Variants in NPIPB4 observed in about 807,000 individuals in gnomAD.
NPIPB4 encodes nuclear pore complex interacting protein family member B4.
For missense variants in NPIPB4, 105 were observed against 513.7 expected (o/e 0.20, Z 7.69); for synonymous variants, 31 against 194.1 (o/e 0.16, Z 6.99).
chr16:21,850,255 G>A (rs1254512851), intron 2 of NPIPB4, among the ~76,000 whole-genome samples: 1 of 127,778 alleles, frequency 7.8e-6, no homozygotes, highest in African/African-American at 2.7e-5. Context: ...GGGAGAAACT[G>A]TCTCAAAATA....
intron 2 of NPIPB4, among the ~76,000 whole-genome samples, chr16:21,850,485 C>T (rs1184094232): frequency 1.3e-5 from 2 of 151,978 alleles, no homozygotes; most frequent in Admixed American, 1.3e-4. Context: ...CCCATCTCTA[C>T]TAAAAACACA....
chr16:21,849,493 A>AAAAAAAT (rs1902305805), intron 2 of NPIPB4, among the ~76,000 whole-genome samples: 2 of 78,802 alleles, frequency 2.5e-5, no homozygotes, highest in African/African-American at 4.1e-5. Flanking sequence ...AAAAAAAAAA[A>AAAAAAAT]TTATCAAGGT....
At position 21,850,461 on chromosome 16, in the gene NPIPB4, G is replaced by A. The variant is rs558859669; in HGVS notation, c.121-2920C>T. ...GTCAAGAGATGGAGACTATCCTGGC[G>A]AACATGGTGAAACCCCATCTCTACT... is the stretch of plus-strand genomic sequence containing the variant. On this transcript the variant is annotated intron_variant, in intron 2 of 7. Transcript: ENST00000682606. Among the ~76,000 whole-genome samples, 810 of 151,964 alleles carry A rather than the reference G, an allele frequency of 5.3e-3. 7 individuals are homozygous for A. Among genetic ancestry groups the A allele is most frequent in the Non-Finnish European group, 8.3e-3 (562 of 67,928 alleles).
In NPIPB4 at chr16:21,837,390, G is replaced by A; in HGVS notation, c.997C>T (p.Pro333Ser). ...PPECLLTPLP[P>S]SADDKLKTPP... ...GTCTTGAGTTTATCATCCGCTGAGG[G>A]TGGAAGGGGAGTGAGGAGACACTCA... Residue 333 changes from proline to serine, a missense_variant, in exon 8 of 8, where the codon CCC becomes TCC. Pro to Ser is a moderately conservative substitution (Grantham distance 74, BLOSUM62 -1). Coordinates refer to ENST00000682606, the MANE Select transcript of NPIPB4 (RefSeq NM_001384980.1). 1.4e-6 allele frequency: 2 copies of A among 1,458,672 alleles called. 1 individual carries two copies. Among genetic ancestry groups the A allele is most frequent in the Non-Finnish European group, 1.8e-6 (2 of 1,128,744 alleles). The allele number at this position is 1,458,672 out of a possible 1,614,324, so 90.4% of individuals were successfully genotyped here.
At position 21,837,341 on chromosome 16, in the gene NPIPB4, G is replaced by A. The variant is rs1280023912; in HGVS notation, c.1046C>T (p.Pro349Leu). Residue 349 changes from proline (P) to leucine (L), a missense_variant, in exon 8 of 8, where the codon CCC becomes CTC. Pro to Leu is a moderately conservative substitution (Grantham distance 98). Transcript: ENST00000682606. ...LKTPPECLLT[P>L]LPPSALPSAP... is the part of the protein sequence containing the mutation. Reference sequence around the variant, plus strand: ...TGAGGGTAGAGCTGAGGGTGGAAGGGGAGTGAGCAGACACTCGGGAGGTGT... The same window carrying A: ...TGAGGGTAGAGCTGAGGGTGGAAGGAGAGTGAGCAGACACTCGGGAGGTGT... 8.2e-6 allele frequency: 11 copies of A among 1,334,114 alleles called. 2 individuals carry two copies. The highest frequency in any genetic ancestry group is 6.6e-6 in the Non-Finnish European group (7 of 1,061,934). The allele number at this position is 1,334,114 out of a possible 1,614,324, so 82.6% of individuals were successfully genotyped here.
At chr16:21,850,670 TAAAAAAAAAAA>T (rs1222161652) in intron 2 of NPIPB4, among the ~76,000 whole-genome samples, 1 of 4,192 alleles carries the variant, frequency 2.4e-4, no homozygotes, top group South Asian at 0.016. Context: ...AGACTCTGTC[TAAAAAAAAAAA>T]AAAAAAAAAA....
intron 2 of NPIPB4, among the ~76,000 whole-genome samples, chr16:21,849,830 G>C (rs1902331604): frequency 2.0e-4 from 1 of 4,930 alleles, no homozygotes; most frequent in East Asian, 1.7e-3. Context: ...GTGTTGAGCA[G>C]AACAAAGCAG....
At position 21,836,060 on chromosome 16, in the gene NPIPB4, TGCTGAGGGTGGA is replaced by T; in HGVS notation, c.2315_2326del (p.Leu772_Gln775del). ...CGGCAGGTGTCTTGATATTATCATC[TGCTGAGGGTGGA>T]GCTGAGGGTGGAAGGGGAGTGAGCT... On this transcript the variant is annotated inframe_deletion, in exon 8 of 8. Transcript: ENST00000682606. 1 of 14,728 alleles carries T rather than the reference TGCTGAGGGTGGA, an allele frequency of 6.8e-5. No individual in the cohort carries two copies. The highest frequency in any genetic ancestry group is 1.8e-4 in the Non-Finnish European group (1 of 5,598). The allele number at this position is 14,728 out of a possible 1,614,324, so 0.9% of individuals were successfully genotyped here.
chr16:21,850,318 T>G (rs1236465018), intron 2 of NPIPB4, among the ~76,000 whole-genome samples: 1 of 148,442 alleles, frequency 6.7e-6, no homozygotes, highest in Admixed American at 6.7e-5. Context: ...TGGTTTATGC[T>G]GGTGTATGTA....
intron 5 of NPIPB4, among the ~76,000 whole-genome samples, chr16:21,840,533 G>C (rs1251987116): frequency 6.6e-6 from 1 of 150,462 alleles, no homozygotes; most frequent in African/African-American, 2.4e-5. Flanking sequence ...ATTCCCCCCT[G>C]CAACCTTCCC....
chr16:21,853,701 T>G (rs1456834094), intron 2 of NPIPB4, among the ~76,000 whole-genome samples: 1 of 28,682 alleles, frequency 3.5e-5, no homozygotes, highest in Non-Finnish European at 5.6e-5. Flanking sequence ...AGAGACCAAG[T>G]AAGTGGGGGT....
intron 3 of NPIPB4, among the ~76,000 whole-genome samples, chr16:21,844,410 C>CAAAAA (rs1274166956): frequency 1.1e-3 from 2 of 1,852 alleles, no homozygotes; most frequent in African/African-American, 3.4e-3. Flanking sequence ...AACTCTGTCT[C>CAAAAA]AAAAAAAAAA....
At chr16:21,842,036 C>A (rs554266450) in intron 5 of NPIPB4, among the ~76,000 whole-genome samples, 4 of 151,472 alleles carry the variant, frequency 2.6e-5, no homozygotes, top group East Asian at 2.0e-4. Flanking sequence ...GTATGGAGGA[C>A]CCCTGACCAT....
In NPIPB4 at chr16:21,837,267, G is replaced by A; in HGVS notation, c.1120C>T (p.Leu374Phe). The change falls in exon 8 of 8, where the codon CTC becomes TTC. Residue 374 changes from leucine (L) to phenylalanine (F), a missense_variant. Transcript: ENST00000682606. ...TCCGCTGAGGGTGGAAGGGGATGGA[G>A]CAGACACTCGGCACGTGTCTTGAGA... Reference protein sequence around the residue: ...DNLKTRAECLLHPLPPSADDN... With the variant: ...DNLKTRAECLFHPLPPSADDN... The A allele has an allele frequency of 3.5e-6, 4 of 1,157,686 alleles. 1 individual carries two copies. The highest frequency in any genetic ancestry group is 4.4e-6 in the Non-Finnish European group (4 of 902,868). The allele number at this position is 1,157,686 out of a possible 1,614,324, so 71.7% of individuals were successfully genotyped here.
chr16:21,849,999 C>T (rs1468314192), intron 2 of NPIPB4, among the ~76,000 whole-genome samples: 5 of 13,490 alleles, frequency 3.7e-4, no homozygotes, highest in African/African-American at 1.3e-3. Context: ...TGGTGGTTCA[C>T]GCCTGTAATC....
At chr16:21,840,591 C>T (rs1390861785) in intron 5 of NPIPB4, among the ~76,000 whole-genome samples, 2 of 146,274 alleles carry the variant, frequency 1.4e-5, no homozygotes, top group Non-Finnish European at 3.0e-5. Flanking sequence ...ATTGACACCT[C>T]CCATTGAGGG....
intron 5 of NPIPB4, among the ~76,000 whole-genome samples, chr16:21,840,385 C>T (rs1402094592): frequency 1.3e-5 from 1 of 76,218 alleles, no homozygotes; most frequent in Admixed American, 1.6e-4. Context: ...CTGATACCTG[C>T]CTCTCCTTTT....
At chr16:21,851,708 TCCC>T in intron 2 of NPIPB4, 1 of 440,388 alleles carries the variant, frequency 2.3e-6, no homozygotes, top group African/African-American at 3.3e-5. Flanking sequence ...CAATGACCCC[TCCC>T]CCATCTCAGT....
chr16:21,840,476 G>A (rs1488463214), intron 5 of NPIPB4, among the ~76,000 whole-genome samples: 1 of 149,178 alleles, frequency 6.7e-6, no homozygotes, highest in African/African-American at 2.5e-5. Context: ...ACCAGCCCGT[G>A]TGGGATTCCC....
Sources: allele counts gnomAD v4.1 joint callset (sites outside exome capture counted in the v4.1 genomes callset), GRCh38; gene constraint gnomAD v4.1.1; transcripts MANE v1.5; gene names NCBI Gene and HGNC (gene_info 2026-07-23, HGNC 2026-07-21).